The following EXO1 variants were observed in gnomAD, a reference collection of about 807,000 sequenced individuals.
EXO1 encodes the protein exonuclease 1.
A neutral mutation model predicts 84.5 loss-of-function variants in EXO1; 69 were observed. The ratio of observed to expected loss-of-function variants is 0.82; its 90% CI spans 0.67 to 1.00. The LOEUF is 1.00. Ranked by LOEUF, EXO1 falls within the 50% of genes least tolerant of loss-of-function variation. The probability of loss-of-function intolerance (pLI) is 0.00; values close to 1 mark genes in which losing one functional copy is unlikely to be tolerated. For missense variants in EXO1, 1,045 were observed against 1,000.7 expected (o/e 1.04, Z -0.60); for synonymous variants, 373 against 366.1 (o/e 1.02, Z -0.21).
chr1:241,868,143 G>A (rs1411174486), intron 11 of EXO1, among the ~76,000 whole-genome samples: 1 of 152,010 alleles, frequency 6.6e-6, no homozygotes, highest in Admixed American at 6.6e-5. Context: ...GGGAGGCCGA[G>A]GCAGGCAGAT....
intron 11 of EXO1, among the ~76,000 whole-genome samples, chr1:241,867,749 TC>T (rs1005947477): frequency 4.6e-5 from 7 of 152,192 alleles, no homozygotes; most frequent in African/African-American, 1.7e-4. Context: ...TGGATCTTTT[TC>T]TGAACTCTGT....
At chr1:241,851,496 A>G (rs1660666940) in intron 4 of EXO1, among the ~76,000 whole-genome samples, 1 of 152,186 alleles carries the variant, frequency 6.6e-6, no homozygotes, top group Non-Finnish European at 1.5e-5. Context: ...TTGTTTTCCC[A>G]TTCCTGTTTT....
chr1:241,861,554 C>T, intron 10 of EXO1, 52 bp downstream of exon 10: 1 of 984,734 alleles, frequency 1.0e-6, no homozygotes, highest in East Asian at 2.4e-5. Flanking sequence ...ATGTCCCGAG[C>T]TGTGATTAAA....
At chr1:241,869,451 A>T (rs888214213) in intron 11 of EXO1, among the ~76,000 whole-genome samples, 7 of 152,222 alleles carry the variant, frequency 4.6e-5, no homozygotes, top group African/African-American at 1.7e-4. Context: ...TTCTCTCTTA[A>T]CTTCCTTCCC....
chr1:241,888,471 G>T (rs896594195), intron 15 of EXO1, among the ~76,000 whole-genome samples: 1 of 152,172 alleles, frequency 6.6e-6, no homozygotes. Context: ...CAACATCCAT[G>T]CAAGGGTCAG....
chr1:241,857,204 C>A, intron 6 of EXO1, 141 bp from the exon 7 acceptor site: 2 of 774,392 alleles, frequency 2.6e-6, no homozygotes, highest in Non-Finnish European at 4.4e-6. Flanking sequence ...AGTAGAAAAA[C>A]TCTACTTCAA....
intron 14 of EXO1, among the ~76,000 whole-genome samples, chr1:241,884,162 C>T (rs189637029): frequency 4.6e-5 from 7 of 152,300 alleles, no homozygotes; most frequent in Admixed American, 1.3e-4. Flanking sequence ...GATCCTTCTA[C>T]AGCAGTTAGA....
intron 11 of EXO1, among the ~76,000 whole-genome samples, chr1:241,869,959 C>T (rs1206106511): frequency 6.6e-6 from 1 of 152,054 alleles, no homozygotes; most frequent in Non-Finnish European, 1.5e-5. Flanking sequence ...ATACAGGCGT[C>T]CACTACCACA....
chr1:241,869,368 G>A (rs1185077107), intron 11 of EXO1, among the ~76,000 whole-genome samples: 1 of 152,150 alleles, frequency 6.6e-6, no homozygotes, highest in African/African-American at 2.4e-5. Flanking sequence ...AATATACTAG[G>A]TATTGGGGAA....
chr1:241,878,774 G>T lies in EXO1; in HGVS notation c.1540G>T (p.Asp514Tyr). The T allele has an allele frequency of 6.2e-7, 1 of 1,612,096 alleles. No individual in the cohort carries two copies. Among genetic ancestry groups the T allele is most frequent in the South Asian group, 1.1e-5 (1 of 90,970 alleles). Residue 514 changes from aspartate (D) to tyrosine (Y), a missense_variant, in exon 13 of 16, where the codon GAC becomes TAC. Physicochemically the swap from Asp to Tyr is radical, Grantham distance 160. Coordinates refer to ENST00000366548, the MANE Select transcript of EXO1 (RefSeq NM_130398.4). The stretch of plus-strand genomic sequence containing the variant: ...GTTTTTTTGCAGTTCAGATTCTACT[G>T]ACTGTGTATCAAACAAAGTGAGCAT... ...SRFFCSSDST[D>Y]CVSNKVSIQP...
At chr1:241,865,016 G>C (rs1214409209) in intron 10 of EXO1, among the ~76,000 whole-genome samples, 1 of 151,462 alleles carries the variant, frequency 6.6e-6, no homozygotes, top group African/African-American at 2.4e-5. Flanking sequence ...TGGAACTACA[G>C]GCACATGCCA....
intron 13 of EXO1, 115 bp downstream of exon 13, chr1:241,879,458 A>G (rs1484121326): frequency 2.7e-5 from 18 of 658,194 alleles, no homozygotes; most frequent in Non-Finnish European, 4.5e-5. Context: ...TTATTTTTTC[A>G]TTCTAAACTC....
At chr1:241,887,273 A>T (rs1326127321) in intron 15 of EXO1, among the ~76,000 whole-genome samples, 1 of 152,160 alleles carries the variant, frequency 6.6e-6, no homozygotes, top group African/African-American at 2.4e-5. Flanking sequence ...AGTAGCTGGG[A>T]CTACAGGCTT....
chr1:241,871,044 T>C (rs1344853229), intron 11 of EXO1, among the ~76,000 whole-genome samples: 1 of 152,090 alleles, frequency 6.6e-6, no homozygotes, highest in African/African-American at 2.4e-5. Context: ...GCTTAATTTA[T>C]GGAGTCCCCA....
At chr1:241,881,360 G>C (rs1333800872) in intron 13 of EXO1, among the ~76,000 whole-genome samples, 1 of 152,058 alleles carries the variant, frequency 6.6e-6, no homozygotes, top group African/African-American at 2.4e-5. Context: ...TGACTTTCAT[G>C]GGAATGCAGA....
intron 11 of EXO1, among the ~76,000 whole-genome samples, chr1:241,870,948 A>G (rs565304373): frequency 2.2e-4 from 33 of 152,328 alleles, no homozygotes; most frequent in African/African-American, 7.7e-4. Flanking sequence ...GCAAATCCCC[A>G]TAACTAATAT....
At chr1:241,883,682 A>T (rs530734052) in intron 14 of EXO1, among the ~76,000 whole-genome samples, 44 of 152,316 alleles carry the variant, frequency 2.9e-4, no homozygotes, top group African/African-American at 1.1e-3. Flanking sequence ...CATATCTACT[A>T]ACTTGAAAAG....
chr1:241,889,091 T>A (rs1433868657), intron 15 of EXO1, among the ~76,000 whole-genome samples: 2 of 145,884 alleles, frequency 1.4e-5, no homozygotes, highest in African/African-American at 2.8e-5. Flanking sequence ...AAAATAATAA[T>A]AAGATTTAAC....
Position 241,878,788 on chromosome 1 carries a change from C to T in EXO1, c.1554C>T (p.Asn518=). 6.2e-7 allele frequency: 1 copy of T among 1,613,720 alleles called. No homozygotes were observed. Among genetic ancestry groups the T allele is most frequent in the Non-Finnish European group, 8.5e-7 (1 of 1,179,864 alleles). Residue 518 remains asparagine (N), a synonymous_variant, in exon 13 of 16, where the codon AAC becomes AAT. Transcript: ENST00000366548. ...CSSDSTDCVS[N]KVSIQPLDET... is the part of the protein sequence containing the mutation. ...CAGATTCTACTGACTGTGTATCAAACAAAGTGAGCATCCAGCCTCTGGATG... is the reference window on the plus strand; with the variant it reads ...CAGATTCTACTGACTGTGTATCAAATAAAGTGAGCATCCAGCCTCTGGATG...
Sources: gnomAD v4.1 joint callset for allele counts (sites outside exome capture counted in the v4.1 genomes callset) on GRCh38, gnomAD v4.1.1 for gene constraint, MANE v1.5 for transcripts, NCBI Gene and HGNC (gene_info 2026-07-23, HGNC 2026-07-21) for gene names.